Variants in CFAP69 observed in about 807,000 individuals in gnomAD.
CFAP69 encodes cilia- and flagella-associated protein 69.
A neutral mutation model predicts 123.0 loss-of-function variants in CFAP69; 92 were observed. The observed-to-expected ratio is 0.75, with a 90% CI of 0.63 to 0.89. The LOEUF (loss-of-function observed/expected upper bound fraction) is 0.89. Among genes scored for constraint, CFAP69 ranks in the 40% least tolerant of loss-of-function variants. The pLI is 0.00. For missense variants in CFAP69, 1,067 were observed against 1,096.9 expected (o/e 0.97, Z 0.39); for synonymous variants, 380 against 364.3 (o/e 1.04, Z -0.49).
Position 90,299,976 on chromosome 7 carries a change from C to T in CFAP69, c.1967C>T (p.Thr656Ile). Residue 656 changes from threonine to isoleucine, a missense_variant, in exon 17 of 23, where the codon ACA (threonine) becomes ATA (isoleucine). Coordinates refer to ENST00000389297, the MANE Select transcript of CFAP69 (RefSeq NM_001039706.3). ...GCTTGGCAAGGGAAGAAGGATCAGA[C>T]AGCTGCTAGTCTTTTAATTAAATTG... The part of the protein sequence containing the change: ...VNAWQGKKDQ[T>I]AASLLIKLWR... 6.2e-7 allele frequency: 1 copy of T among 1,611,618 alleles called. No homozygotes were observed. The highest frequency in any genetic ancestry group is 8.5e-7 in the Non-Finnish European group (1 of 1,178,894).
intron 13 of CFAP69, among the ~76,000 whole-genome samples, chr7:90,284,671 G>A (rs1387681667): frequency 6.6e-6 from 1 of 152,138 alleles, no homozygotes; most frequent in African/African-American, 2.4e-5. Context: ...GATTCTGTGA[G>A]GTAAAGGTAG....
chr7:90,245,374 G>A lies in CFAP69; in HGVS notation c.-51G>A. ...CTCTTTGGGCCCAGCGGCTGCGGGCGCACTGTAGGACAGGAAGATCCCCCC... is the reference window on the plus strand; with the variant it reads ...CTCTTTGGGCCCAGCGGCTGCGGGCACACTGTAGGACAGGAAGATCCCCCC... On this transcript the variant is annotated 5_prime_UTR_variant, in exon 1 of 23. Coordinates refer to ENST00000389297, the MANE Select transcript of CFAP69 (RefSeq NM_001039706.3). 1 of 1,454,806 alleles carries A rather than the reference G, an allele frequency of 6.9e-7. No individual in the cohort carries two copies. The highest frequency in any genetic ancestry group is 9.1e-7 in the Non-Finnish European group (1 of 1,102,648). 90.1% of individuals were successfully genotyped at this position (1,454,806 alleles called of 1,614,324 possible).
rs185909119 is a variant in CFAP69, at chr7:90,273,979, C to T, written c.861-8C>T. 3.3e-5 allele frequency: 52 copies of T among 1,566,594 alleles called. No homozygotes were observed. The highest frequency in any genetic ancestry group is 4.1e-5 in the Non-Finnish European group (48 of 1,158,746). On this transcript the variant is annotated splice_region_variant and splice_polypyrimidine_tract_variant and intron_variant, in intron 8 of 22. Coordinates refer to ENST00000389297, the MANE Select transcript of CFAP69 (RefSeq NM_001039706.3). The stretch of plus-strand genomic sequence containing the variant: ...ATATAGTTTTTAAAATATGATTTTA[C>T]TTTCTAGGGCTTTGAAGGAAGTATT...
At chr7:90,279,280 G>C (rs1789067565) in intron 11 of CFAP69, among the ~76,000 whole-genome samples, 1 of 152,036 alleles carries the variant, frequency 6.6e-6, no homozygotes, top group African/African-American at 2.4e-5. Context: ...AAAAGAGTGA[G>C]GAAAGAGATG....
At chr7:90,274,695 TATTCCCCTATGTATA>T (rs1203190730) in intron 9 of CFAP69, among the ~76,000 whole-genome samples, 1 of 152,156 alleles carries the variant, frequency 6.6e-6, no homozygotes, top group Admixed American at 6.5e-5. Context: ...TTCAAATCGT[TATTCCCCTATGTATA>T]ATATATCATC....
intron 1 of CFAP69, among the ~76,000 whole-genome samples, chr7:90,254,720 G>T (rs1210272930): frequency 6.6e-6 from 1 of 152,178 alleles, no homozygotes; most frequent in Non-Finnish European, 1.5e-5. Flanking sequence ...AACAACATGA[G>T]TGACAACAGA....
At chr7:90,300,339 G>C (rs1249649889) in intron 17 of CFAP69, 2 of 906,358 alleles carry the variant, frequency 2.2e-6, no homozygotes, top group African/African-American at 3.6e-5. Flanking sequence ...ATGCTTCTTT[G>C]GGTTTTCTGC....
At chr7:90,255,155 T>C (rs1290298263) in intron 1 of CFAP69, among the ~76,000 whole-genome samples, 2 of 152,222 alleles carry the variant, frequency 1.3e-5, no homozygotes, top group Admixed American at 6.5e-5. Flanking sequence ...AGTACTATTA[T>C]TCTAAATATT....
chr7:90,290,770 CTTTTCTTT>C (rs1791031721), intron 15 of CFAP69, among the ~76,000 whole-genome samples: 1 of 113,860 alleles, frequency 8.8e-6, no homozygotes, highest in African/African-American at 3.9e-5. Flanking sequence ...CTTTTCTTTT[CTTTTCTTT>C]TCTTTTCTTT....
chr7:90,270,029 T>C (rs973665669), intron 6 of CFAP69: 2 of 152,184 alleles, frequency 1.3e-5, no homozygotes, highest in African/African-American at 4.8e-5. Context: ...AGGAGTATTA[T>C]GGGGCAAAGA....
intron 13 of CFAP69, among the ~76,000 whole-genome samples, chr7:90,286,026 G>T (rs984616382): frequency 6.6e-6 from 1 of 152,090 alleles, no homozygotes; most frequent in Non-Finnish European, 1.5e-5. Context: ...TCTAGGCTGG[G>T]CATGGTCGTG....
chr7:90,310,457 T>G lies in CFAP69; in HGVS notation c.*219T>G, dbSNP rs1794215204. The G allele has an allele frequency of 3.7e-6, 1 of 273,790 alleles. No homozygotes were observed. Among genetic ancestry groups the G allele is most frequent in the Admixed American group, 4.9e-5 (1 of 20,364 alleles). The allele number at this position is 273,790 out of a possible 1,614,324, so 17.0% of individuals were successfully genotyped here. ...TCAGTTTCTTTGGAAAGGCTACCAA[T>G]TTTACTAAGTGAAATTGTAAAACAT... On this transcript the variant is annotated 3_prime_UTR_variant, in exon 23 of 23. Transcript: ENST00000389297.
intron 20 of CFAP69, 41 bp from the exon 21 acceptor site, chr7:90,307,727 A>T: frequency 1.4e-6 from 2 of 1,395,752 alleles, no homozygotes; most frequent in African/African-American, 1.5e-5. Context: ...AAAAAAAAAG[A>T]AAAAAAAGAA....
chr7:90,270,585 T>TGTC (rs1226377202), intron 6 of CFAP69, among the ~76,000 whole-genome samples: 2 of 152,104 alleles, frequency 1.3e-5, no homozygotes, highest in African/African-American at 4.8e-5. Context: ...AGAAAGCTCA[T>TGTC]CACAGCATTG....
At chr7:90,275,650 G>A (rs900748317) in intron 9 of CFAP69, among the ~76,000 whole-genome samples, 9 of 119,222 alleles carry the variant, frequency 7.5e-5, no homozygotes, top group Non-Finnish European at 1.1e-4. Flanking sequence ...CGCCCAGGCC[G>A]GAGTGCAGTG....
chr7:90,294,482 G>A (rs1402487523), intron 15 of CFAP69, among the ~76,000 whole-genome samples: 3 of 151,860 alleles, frequency 2.0e-5, no homozygotes, highest in African/African-American at 7.3e-5. Context: ...ATTTAAATAT[G>A]GAGACACGCA....
At chr7:90,255,618 A>G in intron 2 of CFAP69, 136 bp downstream of exon 2, 1 of 630,370 alleles carries the variant, frequency 1.6e-6, no homozygotes, top group Non-Finnish European at 2.8e-6. Context: ...TACATATCTT[A>G]TATTCAAGGA....
Position 90,258,116 on chromosome 7 carries a change from CAACTT to C in CFAP69, c.202_206del (p.Leu68IlefsTer23). On this transcript the variant is annotated frameshift_variant, in exon 3 of 23. Transcript: ENST00000389297. LOFTEE classifies it high-confidence loss of function. Reference sequence around the variant, plus strand: ...GTTTTAGGATGGCTTGGAAGAAAAACAACTTAAATTTGTCAAGAAACTGGTACAGT... The same window carrying C: ...GTTTTAGGATGGCTTGGAAGAAAAACAAATTTGTCAAGAAACTGGTACAGT... 3 of 1,610,824 alleles carry C rather than the reference CAACTT, an allele frequency of 1.9e-6. No homozygotes were observed. The highest frequency in any genetic ancestry group is 8.5e-7 in the Non-Finnish European group (1 of 1,178,504).
chr7:90,303,226 A>G (rs780023683), intron 17 of CFAP69: 1 of 151,838 alleles, frequency 6.6e-6, no homozygotes, highest in East Asian at 1.9e-4. Context: ...GGCCGAGACT[A>G]TGGAGTTTTC....
Sources: allele counts gnomAD v4.1 joint callset (sites outside exome capture counted in the v4.1 genomes callset), GRCh38; gene constraint gnomAD v4.1.1; transcripts MANE v1.5; gene names NCBI Gene and HGNC (gene_info 2026-07-23, HGNC 2026-07-21).